DMRT3: variants seen among roughly 807,000 people sequenced by gnomAD.
DMRT3 encodes doublesex- and mab-3-related transcription factor 3.
Under a neutral mutation model 34.9 loss-of-function variants are expected in DMRT3, and 29 were observed. The observed-to-expected ratio is 0.83, with a 90% CI of 0.62 to 1.13. The LOEUF (loss-of-function observed/expected upper bound fraction) is 1.13, where lower values mean the gene tolerates loss of function less well. DMRT3 is among the 50% of genes most tolerant of loss of function. The pLI is 0.00. For synonymous variants in DMRT3, 350 were observed against 286.0 expected (o/e 1.22, Z -2.26); for missense variants, 772 against 629.1 (o/e 1.23, Z -2.43).
At chr9:988,807 C>A (rs1157415201) in intron 1 of DMRT3, among the ~76,000 whole-genome samples, 1 of 152,180 alleles carries the variant, frequency 6.6e-6, no homozygotes, top group Non-Finnish European at 1.5e-5. Flanking sequence ...GAATTTTCAT[C>A]TTTCGATCAG....
intron 1 of DMRT3, among the ~76,000 whole-genome samples, chr9:984,028 A>AT (rs931508170): frequency 1.4e-4 from 22 of 151,848 alleles, no homozygotes; most frequent in Middle Eastern, 3.4e-3. Flanking sequence ...TCAACTATTC[A>AT]TTTTTTTAAA....
rs144100585 is a variant in DMRT3 at position 982,010 on chromosome 9, T to C, written c.454+4555T>C. On this transcript the variant is annotated intron_variant, in intron 1 of 1. Coordinates refer to ENST00000190165, the MANE Select transcript of DMRT3 (RefSeq NM_021240.4). ...AGGAGTCCCGAGGTGAGTTGACACC[T>C]TCTGCAAAAATCATGCAAACAAAAA... 4.3e-3 allele frequency among the ~76,000 whole-genome samples: 662 copies of C among 152,270 alleles called. 6 individuals carry two copies. Among genetic ancestry groups the C allele is most frequent in the African/African-American group, 0.014 (598 of 41,528 alleles).
intron 1 of DMRT3, among the ~76,000 whole-genome samples, chr9:978,898 T>C (rs922185864): frequency 4.6e-5 from 7 of 152,252 alleles, no homozygotes; most frequent in Non-Finnish European, 8.8e-5. Flanking sequence ...TTTATGGATT[T>C]GTCACAGACG....
intron 1 of DMRT3, among the ~76,000 whole-genome samples, chr9:982,687 A>G (rs1444770069): frequency 6.6e-6 from 1 of 152,252 alleles, no homozygotes; most frequent in Admixed American, 6.5e-5. Context: ...ATAAATCTTC[A>G]TAAATCAAAG....
intron 1 of DMRT3, among the ~76,000 whole-genome samples, chr9:980,581 A>G (rs960838837): frequency 6.6e-6 from 1 of 151,806 alleles, no homozygotes; most frequent in African/African-American, 2.4e-5. Context: ...TTAAATTCTA[A>G]TTTAAGCTAT....
chr9:980,688 C>T (rs888076808), intron 1 of DMRT3, among the ~76,000 whole-genome samples: 1 of 151,982 alleles, frequency 6.6e-6, no homozygotes, highest in African/African-American at 2.4e-5. Context: ...TACTCCTTCT[C>T]CCCATGAAAA....
chr9:988,108 T>G (rs1399212278), intron 1 of DMRT3, among the ~76,000 whole-genome samples: 1 of 152,146 alleles, frequency 6.6e-6, no homozygotes, highest in Non-Finnish European at 1.5e-5. Flanking sequence ...TCCTAAGAAG[T>G]TGTAGGAGAG....
At chr9:977,541 G>A (rs1820167858) in intron 1 of DMRT3, 86 bp downstream of exon 1, 1 of 1,167,240 alleles carries the variant, frequency 8.6e-7, no homozygotes, top group Non-Finnish European at 1.1e-6. Context: ...GAGGACTGGA[G>A]GCAAAGTTTT....
chr9:976,923 G>A lies in DMRT3; in HGVS notation c.-79G>A. 7.4e-7 allele frequency: 1 copy of A among 1,353,408 alleles called. No homozygotes were observed. Among genetic ancestry groups the A allele is most frequent in the Non-Finnish European group, 9.5e-7 (1 of 1,047,962 alleles). 83.8% of individuals were successfully genotyped at this position (1,353,408 alleles called of 1,614,324 possible). On this transcript the variant is annotated 5_prime_UTR_variant, in exon 1 of 2. Transcript: ENST00000190165. This position sits in a 1 kb window ranked among gnomAD's most constrained non-coding sequence, Gnocchi z 4.5. ...CGTCGCCCGGAGGCCGCCCCTGAGC[G>A]GGCCTCGCAGCCCCGCCGTCCAGCG...
At chr9:983,452 T>A (rs995607764) in intron 1 of DMRT3, among the ~76,000 whole-genome samples, 1 of 152,174 alleles carries the variant, frequency 6.6e-6, no homozygotes, top group Non-Finnish European at 1.5e-5. Context: ...TGTATTTCAC[T>A]GTGAAATATA....
At chr9:981,395 T>C (rs1208685645) in intron 1 of DMRT3, among the ~76,000 whole-genome samples, 2 of 152,176 alleles carry the variant, frequency 1.3e-5, no homozygotes, top group African/African-American at 4.8e-5. Flanking sequence ...GGGAAATACT[T>C]AAAAACCATT....
At position 989,364 on chromosome 9, in the gene DMRT3, C is replaced by T. The variant is rs770964416; in HGVS notation, c.455-677C>T. 6.6e-5 allele frequency among the ~76,000 whole-genome samples: 10 copies of T among 152,320 alleles called. 1 individual carries two copies. Among genetic ancestry groups the T allele is most frequent in the South Asian group, 4.1e-4 (2 of 4,828 alleles). ...GCCATCCGGAATTCATAGCTGGTTT[C>T]GTTTGCTTTCTAGTACAAGTTATTG... On this transcript the variant is annotated intron_variant, in intron 1 of 1. Coordinates refer to ENST00000190165, the MANE Select transcript of DMRT3 (RefSeq NM_021240.4).
At chr9:984,512 G>A (rs1251182590) in intron 1 of DMRT3, among the ~76,000 whole-genome samples, 2 of 151,270 alleles carry the variant, frequency 1.3e-5, no homozygotes, top group African/African-American at 4.9e-5. Context: ...CTGGAGTGCA[G>A]TGGTGAGATC....
At chr9:980,512 C>T (rs1820202755) in intron 1 of DMRT3, among the ~76,000 whole-genome samples, 1 of 47,666 alleles carries the variant, frequency 2.1e-5, no homozygotes, top group South Asian at 1.0e-3. Context: ...TTGATTTAAG[C>T]TATGTATAGA....
rs1014143151 is a variant in DMRT3 at position 990,294 on chromosome 9, G to A, written c.708G>A (p.Ser236=). The change falls in exon 2 of 2, where the codon TCG becomes TCA. Residue 236 remains serine (S), a synonymous_variant. Coordinates refer to ENST00000190165, the MANE Select transcript of DMRT3 (RefSeq NM_021240.4). ...EQNHLLIEGP[S]GTVSLPFSLK... ...ATCACCTCCTGATTGAGGGCCCCTC[G>A]GGGACTGTTTCTCTGCCCTTCAGCT... The A allele has an allele frequency of 5.6e-6, 9 of 1,613,662 alleles. No homozygotes were observed. The highest frequency in any genetic ancestry group is 7.6e-6 in the Non-Finnish European group (9 of 1,180,000).
At position 990,326 on chromosome 9, in the gene DMRT3, C is replaced by G. The variant is rs751707746; in HGVS notation, c.740C>G (p.Ala247Gly). 5 of 1,613,796 alleles carry G rather than the reference C, an allele frequency of 3.1e-6. No homozygotes were observed. Among genetic ancestry groups the G allele is most frequent in the South Asian group, 2.2e-5 (2 of 91,060 alleles). Residue 247 changes from alanine (A) to glycine (G), a missense_variant, in exon 2 of 2, where the codon GCC becomes GGC. Transcript: ENST00000190165. ...GTVSLPFSLK[A>G]NRPPLEVLKK... ...GTTTCTCTGCCCTTCAGCTTGAAAG[C>G]CAACAGACCGCCGCTTGAAGTGTTA...
chr9:977,785 A>G (rs532839069), intron 1 of DMRT3, among the ~76,000 whole-genome samples: 1 of 152,320 alleles, frequency 6.6e-6, no homozygotes, highest in South Asian at 2.1e-4. Flanking sequence ...TTGAGACAGG[A>G]CAAAATTAAA....
rs543040937 is a variant in DMRT3 at position 991,295 on chromosome 9, G to A, written c.*290G>A. On this transcript the variant is annotated 3_prime_UTR_variant, in exon 2 of 2. Transcript: ENST00000190165. ...CTGGGTCCGTGGAAGATTTATTTGG[G>A]GATGTAAAGCTGAAGGTCAGCCTTG... is the stretch of plus-strand genomic sequence containing the variant. 7.3e-6 allele frequency: 2 copies of A among 275,072 alleles called. No individual in the cohort carries two copies. The highest frequency in any genetic ancestry group is 1.4e-4 in the East Asian group (2 of 13,854). 17.0% of individuals were successfully genotyped at this position (275,072 alleles called of 1,614,324 possible). A position where few individuals can be genotyped will look rare whatever the true frequency, so the allele number is the denominator to read the frequency against.
chr9:988,333 CT>C (rs1820310258), intron 1 of DMRT3, among the ~76,000 whole-genome samples: 2 of 152,190 alleles, frequency 1.3e-5, no homozygotes, highest in South Asian at 4.1e-4. Flanking sequence ...GACACTTGCA[CT>C]GAGGTAATTG....
Sources: allele counts gnomAD v4.1 joint callset (sites outside exome capture counted in the v4.1 genomes callset), GRCh38; gene constraint gnomAD v4.1.1; non-coding constraint Gnocchi (gnomAD v3.1); transcripts MANE v1.5; gene names NCBI Gene and HGNC (gene_info 2026-07-23, HGNC 2026-07-21).